The following MSLN variants were observed in gnomAD, a reference collection of about 807,000 sequenced individuals.
MSLN encodes mesothelin.
In MSLN, 82 loss-of-function variants were observed where a neutral mutation model predicts 72.6. That is an observed-to-expected ratio of 1.13 (90% CI 0.94 to 1.36). MSLN has a LOEUF of 1.36. Ranked by LOEUF, MSLN falls within the 40% of genes most tolerant of loss-of-function variation. MSLN has a pLI of 0.00. For synonymous variants in MSLN, 456 were observed against 387.3 expected, an observed-to-expected ratio of 1.18 and a Z score of -2.08; for missense variants, 1,005 against 847.9, an observed-to-expected ratio of 1.19 and a Z score of -2.30.
intron 16 of MSLN, among the ~76,000 whole-genome samples, chr16:768,149 G>C (rs982063258): frequency 1.6e-4 from 24 of 150,486 alleles, no homozygotes; most frequent in Admixed American, 5.3e-4. Context: ...CGTGTAAGGC[G>C]GGTCTGCAGT....
chr16:761,369 G>C (rs1016936519), intron 2 of MSLN, among the ~76,000 whole-genome samples, 195 bp downstream of exon 2: 3 of 152,240 alleles, frequency 2.0e-5, no homozygotes, highest in Non-Finnish European at 4.4e-5. Context: ...GGCAGTGCAG[G>C]TGCCTCCACG....
Position 765,002 on chromosome 16 carries a change from G to C in MSLN, c.476G>C (p.Arg159Pro). ...CTGCTCCCGAGGGGGGCTCCCGAGC[G>C]ACAGCGGCTGCTGCCTGCGGCTCTG... ...VDLLPRGAPE[R>P]QRLLPAALAC... Residue 159 changes from arginine (R) to proline (P), a missense_variant, in exon 8 of 18, where the codon CGA becomes CCA. By Grantham distance (103) the Arg-to-Pro change is moderately radical (BLOSUM62 -2). Transcript: ENST00000545450. The C allele has an allele frequency of 6.2e-7, 1 of 1,611,542 alleles. No individual in the cohort carries two copies. Among genetic ancestry groups the C allele is most frequent in the South Asian group, 1.1e-5 (1 of 91,028 alleles).
At position 767,456 on chromosome 16, in the gene MSLN, ACG is replaced by A. The variant is rs1567359602; in HGVS notation, c.1583_1584del (p.Thr528ArgfsTer10). ...CTTGGCCACGTTCATGAAGCTGCGG[ACG>A]GATGCGGTGCTGGTATGGCGAGCGG... ...MDLATFMKLR[T>X]DAVLPLTVAE... is the part of the protein sequence containing the mutation. On this transcript the variant is annotated frameshift_variant, in exon 16 of 18. Transcript: ENST00000545450. LOFTEE classifies it high-confidence loss of function. 1.3e-6 allele frequency: 2 copies of A among 1,514,882 alleles called. No individual in the cohort carries two copies. The highest frequency in any genetic ancestry group is 1.8e-6 in the Non-Finnish European group (2 of 1,128,272). The allele number at this position is 1,514,882 out of a possible 1,614,324, so 93.8% of individuals were successfully genotyped here.
At position 768,502 on chromosome 16, in the gene MSLN, C is replaced by T; in HGVS notation, c.1720C>T (p.Leu574=). Residue 574 remains leucine, a synonymous_variant, in exon 17 of 18, where the codon CTG becomes TTG. Transcript: ENST00000545450. ...LRQRQDDLDT[L]GLGLQGGIPN... is the part of the protein sequence containing the mutation. ...GCAGCGGCAGGACGACCTGGACACG[C>T]TGGGGCTGGGGCTACAGGGCGGCAT... is the stretch of plus-strand genomic sequence containing the variant. 1 of 1,590,898 alleles carries T rather than the reference C, an allele frequency of 6.3e-7. No individual in the cohort carries two copies. The highest frequency in any genetic ancestry group is 8.6e-7 in the Non-Finnish European group (1 of 1,167,112).
intron 7 of MSLN, 74 bp downstream of exon 7, chr16:764,800 C>T (rs2041582651): frequency 1.9e-6 from 3 of 1,575,354 alleles, no homozygotes; most frequent in Non-Finnish European, 2.6e-6. Context: ...CTGCCCCTTG[C>T]CTCGGATCCC....
At chr16:766,556 C>G in intron 13 of MSLN, 66 bp downstream of exon 13, 1 of 1,608,812 alleles carries the variant, frequency 6.2e-7, no homozygotes, top group South Asian at 1.1e-5. Flanking sequence ...GAGTGGGGGA[C>G]AAAGCCTGAG....
At position 760,777 on chromosome 16, in the gene MSLN, C is replaced by T. The variant is rs954459810; in HGVS notation, c.-156C>T. The T allele has an allele frequency of 1.3e-5, 2 of 152,440 alleles. No individual in the cohort carries two copies. The highest frequency in any genetic ancestry group is 4.8e-5 in the African/African-American group (2 of 41,478). 9.4% of individuals were successfully genotyped at this position (152,440 alleles called of 1,614,324 possible). On this transcript the variant is annotated 5_prime_UTR_variant, in exon 1 of 18. Coordinates refer to ENST00000545450, the MANE Select transcript of MSLN (RefSeq NM_005823.6). ...CGGCCCGGGAGGCTGCCAGGCTCTC[C>T]ACCCCCACTTCCCAATTGAGGAAAC...
chr16:762,737 C>G lies in MSLN; in HGVS notation c.57C>G (p.Gly19=), dbSNP rs2041552034. 1 of 1,602,202 alleles carries G rather than the reference C, an allele frequency of 6.2e-7. No individual in the cohort carries two copies. The highest frequency in any genetic ancestry group is 1.7e-5 in the Admixed American group (1 of 58,232). ...GGTCCTGTGGGACCCCCGCCCTCGGCAGCCTCCTGTTCCTGCTCTTCAGCC... is the reference window on the plus strand; with the variant it reads ...GGTCCTGTGGGACCCCCGCCCTCGGGAGCCTCCTGTTCCTGCTCTTCAGCC... The part of the protein sequence containing the change: ...LLGSCGTPAL[G]SLLFLLFSLG... The change falls in exon 3 of 18, where the codon GGC becomes GGG. Residue 19 remains glycine, a synonymous_variant. Coordinates refer to ENST00000545450, the MANE Select transcript of MSLN (RefSeq NM_005823.6).
Position 762,512 on chromosome 16 carries a change from C to T in MSLN, c.-9-160C>T, listed in dbSNP as rs1484218907. ...GAGCCAGTCCAGGGGACAGAGGGCT[C>T]AGTGGCTGGAGGGCAGGGCCAGGGT... On this transcript the variant is annotated intron_variant, in intron 2 of 17. Transcript: ENST00000545450. The T allele has an allele frequency of 1.1e-4, 72 of 631,930 alleles. 1 individual carries two copies. The Admixed American group carries it at 1.7e-3, about 15-fold the overall frequency. The allele number at this position is 631,930 out of a possible 1,614,324, so 39.1% of individuals were successfully genotyped here. A position where few individuals can be genotyped will look rare whatever the true frequency, so the allele number is the denominator to read the frequency against.
At chr16:764,619 C>G (rs1188005872) in intron 6 of MSLN, 28 bp from the exon 7 acceptor site, 1 of 1,604,016 alleles carries the variant, frequency 6.2e-7, no homozygotes, top group Admixed American at 1.7e-5. Context: ...GCTCGAAACG[C>G]TCTGTGCTGG....
Position 767,380 on chromosome 16 carries a change from G to C in MSLN, c.1506G>C (p.Gly502=), listed in dbSNP as rs746891184. ...YFVKIQSFLG[G]APTEDLKALS... The stretch of plus-strand genomic sequence containing the variant: ...GGCCCCTCTCCCGGCGGGCAGGTGG[G>C]GCCCCCACGGAGGATTTGAAGGCGC... The change falls in exon 16 of 18, where the codon GGG becomes GGC. Residue 502 remains glycine (G), a synonymous_variant. Transcript: ENST00000545450. 1.2e-6 allele frequency: 2 copies of C among 1,610,926 alleles called. No homozygotes were observed. Among genetic ancestry groups the C allele is most frequent in the Non-Finnish European group, 1.7e-6 (2 of 1,179,384 alleles).
intron 2 of MSLN, among the ~76,000 whole-genome samples, chr16:761,625 G>A (rs1343962523): frequency 8.2e-6 from 1 of 121,676 alleles, no homozygotes; most frequent in Non-Finnish European, 1.6e-5. Context: ...CCATTTTCTG[G>A]CTGTGGGGGG....
At position 768,495 on chromosome 16, in the gene MSLN, G is replaced by A. The variant is rs747072023; in HGVS notation, c.1713G>A (p.Leu571=). Residue 571 remains leucine, a synonymous_variant, in exon 17 of 18, where the codon CTG becomes CTA. Transcript: ENST00000545450. ...TCCTACGGCAGCGGCAGGACGACCT[G>A]GACACGCTGGGGCTGGGGCTACAGG... is the stretch of plus-strand genomic sequence containing the variant. ...DWILRQRQDD[L]DTLGLGLQGG... is the part of the protein sequence containing the mutation. 39 of 1,585,194 alleles carry A rather than the reference G, an allele frequency of 2.5e-5. No homozygotes were observed. Among genetic ancestry groups the A allele is most frequent in the Admixed American group, 3.4e-5 (2 of 58,252 alleles).
In MSLN at chr16:766,809, T is replaced by C. The variant is rs1022845180; in HGVS notation, c.1372T>C (p.Trp458Arg). ...ELSSVPPSSI[W>R]AVRPQDLDTC... ...GAGCTCCGTGCCCCCCAGCAGCATC[T>C]GGTGAGTCCCCAGAACTCTGCCCGG... The change falls in exon 14 of 18, where the codon TGG becomes CGG. Residue 458 changes from tryptophan (W) to arginine (R), a missense_variant and splice_region_variant. By Grantham distance (101) the Trp-to-Arg change is moderately radical (BLOSUM62 -3). Transcript: ENST00000545450. 4 of 1,612,322 alleles carry C rather than the reference T, an allele frequency of 2.5e-6. No individual in the cohort carries two copies. Among genetic ancestry groups the C allele is most frequent in the Non-Finnish European group, 3.4e-6 (4 of 1,179,864 alleles).
intron 3 of MSLN, 66 bp downstream of exon 3, chr16:762,831 A>G (rs973605410): frequency 1.5e-6 from 2 of 1,362,818 alleles, no homozygotes; most frequent in African/African-American, 1.5e-5. Context: ...CCAGGCCCCC[A>G]GCAAGGCTTT....
At chr16:764,749 A>T (rs754979973) in intron 7 of MSLN, 23 bp downstream of exon 7, 1 of 1,461,112 alleles carries the variant, frequency 6.8e-7, no homozygotes, top group South Asian at 1.2e-5. Context: ...CCCTGAACCC[A>T]CCCCCCCGGC....
rs142972507 is a variant in MSLN, at chr16:768,438, G to A, written c.1656G>A (p.Ala552=). The A allele has an allele frequency of 2.5e-3, 3,826 of 1,524,058 alleles. 23 individuals carry two copies. Among genetic ancestry groups the A allele is most frequent in the South Asian group, 0.011 (854 of 79,132 alleles). 94.4% of individuals were successfully genotyped at this position (1,524,058 alleles called of 1,614,324 possible). ...LLGPHVEGLK[A]EERHRPVRDW... ...GACCCCACGTGGAGGGCCTGAAGGC[G>A]GAGGAGCGGCACCGCCCGGTGCGGG... Residue 552 remains alanine, a synonymous_variant, in exon 17 of 18, where the codon GCG becomes GCA. Coordinates refer to ENST00000545450, the MANE Select transcript of MSLN (RefSeq NM_005823.6).
At position 764,681 on chromosome 16, in the gene MSLN, C is replaced by T. The variant is rs749317366; in HGVS notation, c.335C>T (p.Pro112Leu). The change falls in exon 7 of 18, where the codon CCC (proline) becomes CTC (leucine). Residue 112 changes from proline (P) to leucine (L), a missense_variant. Pro to Leu is a moderately conservative substitution (Grantham distance 98). Transcript: ENST00000545450. ...RCLAHRLSEPPEDLDALPLDL... is the reference protein window; with the variant it reads ...RCLAHRLSEPLEDLDALPLDL... ...CTGGCTCACCGGCTCTCTGAGCCCC[C>T]CGAGGACCTGGACGCCCTCCCATTG... 1.9e-6 allele frequency: 3 copies of T among 1,612,540 alleles called. No individual in the cohort carries two copies. The highest frequency in any genetic ancestry group is 2.5e-6 in the Non-Finnish European group (3 of 1,179,856).
At position 761,067 on chromosome 16, in the gene MSLN, T is replaced by C. The variant is rs1331165514; in HGVS notation, c.-111-6T>C. On this transcript the variant is annotated splice_polypyrimidine_tract_variant and splice_region_variant and intron_variant, in intron 1 of 17. Coordinates refer to ENST00000545450, the MANE Select transcript of MSLN (RefSeq NM_005823.6). Reference sequence around the variant, plus strand: ...GGGCTGTCCTGTTCCTCATGGGCGCTGCCAGCGCCACGCACTCCTCTTTCT... The same window carrying C: ...GGGCTGTCCTGTTCCTCATGGGCGCCGCCAGCGCCACGCACTCCTCTTTCT... 1 of 152,274 alleles carries C rather than the reference T, an allele frequency of 6.6e-6. No homozygotes were observed. The highest frequency in any genetic ancestry group is 2.4e-5 in the African/African-American group (1 of 41,458). 9.4% of individuals were successfully genotyped at this position (152,274 alleles called of 1,614,324 possible).
Sources: gnomAD v4.1 joint callset for allele counts (sites outside exome capture counted in the v4.1 genomes callset) on GRCh38, gnomAD v4.1.1 for gene constraint, MANE v1.5 for transcripts, NCBI Gene and HGNC (gene_info 2026-07-23, HGNC 2026-07-21) for gene names.